The following NBPF8 variants were observed in gnomAD, a reference collection of about 807,000 sequenced individuals.
NBPF8 encodes NBPF member 8.
At chr1:120,428,283 G>A (rs1660777510) in intron 3 of NBPF8, among the ~76,000 whole-genome samples, 3 of 148,612 alleles carry the variant, frequency 2.0e-5, no homozygotes, top group Admixed American at 6.6e-5. Context: ...AGGAATGTCT[G>A]GACACAGTAG....
At chr1:120,422,007 C>G (rs1220624252) in intron 1 of NBPF8, among the ~76,000 whole-genome samples, 2 of 151,704 alleles carry the variant, frequency 1.3e-5, no homozygotes, top group African/African-American at 2.4e-5. Context: ...CAAGTACTAA[C>G]CACACAATAA....
At chr1:120,464,149 G>T (rs1308829546) in intron 22 of NBPF8, among the ~76,000 whole-genome samples, 1 of 100,992 alleles carries the variant, frequency 9.9e-6, no homozygotes, top group African/African-American at 5.5e-5. Context: ...GTGTGTGTGT[G>T]TGTGTGTGTG....
chr1:120,452,877 G>A (rs1434182982), intron 13 of NBPF8, among the ~76,000 whole-genome samples: 5 of 152,194 alleles, frequency 3.3e-5, no homozygotes, highest in Non-Finnish European at 7.3e-5. Flanking sequence ...TTTGTGGTAG[G>A]AAGTGCTTCA....
At chr1:120,428,773 G>T (rs1487009369) in intron 3 of NBPF8, among the ~76,000 whole-genome samples, 1 of 147,738 alleles carries the variant, frequency 6.8e-6, no homozygotes, top group South Asian at 2.1e-4. Context: ...ATAACTGAGC[G>T]AGGCTGTACC....
Position 120,457,727 on chromosome 1 carries a change from T to TAAAA in NBPF8, n.2621-1633_2621-1630dup, listed in dbSNP as rs1296846675. 1.7e-4 allele frequency among the ~76,000 whole-genome samples: 9 copies of TAAAA among 53,276 alleles called. 1 individual carries two copies. Among genetic ancestry groups the TAAAA allele is most frequent in the African/African-American group, 1.3e-3 (9 of 7,078 alleles). 35.0% of individuals were successfully genotyped at this position (53,276 alleles called of 152,430 possible). Reference sequence around the variant, plus strand: ...ACATGTACCCTAAGACTTAAAGTATTAAAAAAAAAATATATATATATATAT... The same window carrying TAAAA: ...ACATGTACCCTAAGACTTAAAGTATTAAAAAAAAAAAAAATATATATATATATAT... On this transcript the variant is annotated intron_variant and non_coding_transcript_variant, in intron 16 of 24. Coordinates refer to ENST00000583271, the Ensembl canonical transcript of NBPF8.
chr1:120,456,114 T>A (rs1199284190), intron 16 of NBPF8, among the ~76,000 whole-genome samples: 1 of 151,962 alleles, frequency 6.6e-6, no homozygotes, highest in Non-Finnish European at 1.5e-5. Context: ...TCTAATTTGA[T>A]GGCACTGTGG....
chr1:120,428,227 G>T (rs1194970985), intron 3 of NBPF8, among the ~76,000 whole-genome samples: 3 of 152,306 alleles, frequency 2.0e-5, no homozygotes, highest in East Asian at 1.9e-4. Flanking sequence ...TTGGTTCAGT[G>T]GTTGTGAGTG....
chr1:120,434,713 A>G (rs1409155425), upstream of NBPF8, among the ~76,000 whole-genome samples: 2 of 147,176 alleles, frequency 1.4e-5, no homozygotes, highest in African/African-American at 5.1e-5. Flanking sequence ...TGTTGTTTTA[A>G]AAAGTTAATA....
exon 3 of NBPF8, among the ~76,000 whole-genome samples, chr1:120,427,821 G>A (rs1466858209): frequency 7.0e-6 from 1 of 143,648 alleles, no homozygotes; most frequent in Non-Finnish European, 1.5e-5. Context: ...CCGCCAGTTG[G>A]GATCAAATGT....
At chr1:120,454,702 G>GTTTTTT (rs1570940919) in intron 15 of NBPF8, among the ~76,000 whole-genome samples, 3 of 21,746 alleles carry the variant, frequency 1.4e-4, no homozygotes, top group African/African-American at 3.0e-4. Context: ...TAGCATCGTG[G>GTTTTTT]ATTTTTTTTT....
At chr1:120,456,830 C>T (rs28889090) in intron 16 of NBPF8, among the ~76,000 whole-genome samples, 10 of 151,906 alleles carry the variant, frequency 6.6e-5, no homozygotes, top group Non-Finnish European at 1.0e-4. Flanking sequence ...TTATTTCGCC[C>T]GTTAGTTGAT....
At chr1:120,425,213 G>T (rs1279452566) in intron 1 of NBPF8, among the ~76,000 whole-genome samples, 25 of 151,896 alleles carry the variant, frequency 1.6e-4, no homozygotes, top group African/African-American at 4.8e-4. Context: ...AGGAAGGAAG[G>T]CCTCTTTGCA....
chr1:120,467,837 C>G (rs1661782133), downstream of NBPF8: 1 of 152,118 alleles, frequency 6.6e-6, no homozygotes, highest in Non-Finnish European at 1.5e-5. Context: ...AAAAACATTT[C>G]ATTTCCATGT....
chr1:120,417,731 C>G (rs1660468222), upstream of NBPF8, among the ~76,000 whole-genome samples: 1 of 126,082 alleles, frequency 7.9e-6, no homozygotes, highest in South Asian at 2.6e-4. Context: ...TCCTGAGTAG[C>G]TGCGACTATA....
chr1:120,461,668 GA>G (rs1661594993), intron 19 of NBPF8, among the ~76,000 whole-genome samples: 2 of 81,066 alleles, frequency 2.5e-5, no homozygotes, highest in African/African-American at 1.1e-4. Context: ...CTACTCTCAT[GA>G]CATTGGACCT....
intron 14 of NBPF8, 147 bp downstream of exon 12, chr1:120,453,591 G>A: frequency 1.1e-6 from 1 of 871,572 alleles, no homozygotes; most frequent in Non-Finnish European, 1.9e-6. Context: ...TAGACACAGG[G>A]TGCGGTAGCT....
chr1:120,450,877 T>C (rs1265783460), intron 11 of NBPF8, among the ~76,000 whole-genome samples: 4 of 151,986 alleles, frequency 2.6e-5, no homozygotes, highest in Non-Finnish European at 4.4e-5. Flanking sequence ...CTTGGGAAAG[T>C]GGCCCCGCAT....
At chr1:120,415,820 C>T (rs1346681442), upstream of NBPF8, among the ~76,000 whole-genome samples, 1 of 148,852 alleles carries the variant, frequency 6.7e-6, no homozygotes, top group East Asian at 1.9e-4. Context: ...CGCAGGATTT[C>T]CGGTAGGTTG....
upstream of NBPF8, among the ~76,000 whole-genome samples, chr1:120,431,585 A>G (rs1363888879): frequency 3.4e-4 from 51 of 151,754 alleles, no homozygotes; most frequent in African/African-American, 1.2e-3. Context: ...ATGAGATACC[A>G]CTACATATCC....
Sources: gnomAD v4.1 joint callset for allele counts (sites outside exome capture counted in the v4.1 genomes callset) on GRCh38, gnomAD v4.1.1 for gene constraint, MANE v1.5 for transcripts, NCBI Gene and HGNC (gene_info 2026-07-23, HGNC 2026-07-21) for gene names.